Variants in NME7 observed in about 807,000 individuals in gnomAD.
NME7 encodes nucleoside diphosphate kinase 7.
NME7 carries 41 observed loss-of-function variants against 49.1 expected under a neutral mutation model. That is an observed-to-expected ratio of 0.83 (90% CI 0.65 to 1.08). NME7 has a LOEUF of 1.08. Ranked by LOEUF, NME7 falls within the 50% of genes least tolerant of loss-of-function variation. NME7 has a pLI of 0.00. For synonymous variants in NME7, 139 were observed against 150.6 expected (o/e 0.92, Z 0.56); for missense variants, 423 against 463.4 (o/e 0.91, Z 0.80).
chr1:169,134,645 C>G (rs1344997096), intron 11 of NME7, among the ~76,000 whole-genome samples: 2 of 152,108 alleles, frequency 1.3e-5, no homozygotes, highest in Admixed American at 6.5e-5. Context: ...GTGTCAGAAG[C>G]TTTGCCATAA....
chr1:169,364,412 T>C (rs1653773281), intron 1 of NME7, among the ~76,000 whole-genome samples: 1 of 152,194 alleles, frequency 6.6e-6, no homozygotes, highest in Non-Finnish European at 1.5e-5. Flanking sequence ...TAAATTTGTA[T>C]TTATTTATAC....
At position 169,187,261 on chromosome 1, in the gene NME7, C is replaced by A. The variant is rs145089732; in HGVS notation, c.991-17707G>T. The stretch of plus-strand genomic sequence containing the variant: ...AGAGTTCTGTAGATGTCTATTGGGT[C>A]TGCTTGGTCCAGAGTTGAGTTCAAG... On this transcript the variant is annotated intron_variant, in intron 10 of 11. Transcript: ENST00000367811. Among the ~76,000 whole-genome samples, 989 of 152,188 alleles carry A rather than the reference C, an allele frequency of 6.5e-3. 4 individuals carry two copies. Among genetic ancestry groups the A allele is most frequent in the African/African-American group, 0.023 (950 of 41,514 alleles).
At chr1:169,134,371 C>T (rs1180038954) in intron 11 of NME7, among the ~76,000 whole-genome samples, 2 of 152,198 alleles carry the variant, frequency 1.3e-5, no homozygotes, top group Non-Finnish European at 2.9e-5. Flanking sequence ...ACAGTGCCAT[C>T]TATCTCCCTT....
At chr1:169,275,538 A>C (rs1248407613) in intron 7 of NME7, among the ~76,000 whole-genome samples, 3 of 124,402 alleles carry the variant, frequency 2.4e-5, no homozygotes, top group African/African-American at 8.0e-5. Context: ...TTGATTTTGT[A>C]TCCTGAGACT....
chr1:169,314,887 A>C (rs894486406), intron 3 of NME7, among the ~76,000 whole-genome samples: 1 of 152,238 alleles, frequency 6.6e-6, no homozygotes, highest in Non-Finnish European at 1.5e-5. Context: ...TAACTAAAAG[A>C]AAGCCAGTGC....
intron 7 of NME7, among the ~76,000 whole-genome samples, chr1:169,273,314 GT>G (rs1649560243): frequency 7.6e-6 from 1 of 130,768 alleles, no homozygotes; most frequent in South Asian, 2.4e-4. Flanking sequence ...GCAGTGTTTA[GT>G]TTTCTGATCT....
At chr1:169,254,694 G>T (rs1648830836) in intron 7 of NME7, among the ~76,000 whole-genome samples, 1 of 144,096 alleles carries the variant, frequency 6.9e-6, no homozygotes. Context: ...TTCTCTTGTG[G>T]CCATTTAGTG....
chr1:169,326,325 A>T (rs1400415025), intron 1 of NME7, among the ~76,000 whole-genome samples: 1 of 152,192 alleles, frequency 6.6e-6, no homozygotes, highest in Non-Finnish European at 1.5e-5. Flanking sequence ...CAGCAAACCA[A>T]TGCTACTTCT....
At chr1:169,332,422 T>C (rs1652291810) in intron 1 of NME7, among the ~76,000 whole-genome samples, 1 of 152,164 alleles carries the variant, frequency 6.6e-6, no homozygotes, top group South Asian at 2.1e-4. Context: ...AAAAATTTCT[T>C]GAGCAATGCC....
Position 169,267,345 on chromosome 1 carries a change from A to G in NME7, c.754+19958T>C, listed in dbSNP as rs140336058. On this transcript the variant is annotated intron_variant, in intron 7 of 11. Transcript: ENST00000367811. ...TATCATTAAAATGGTCATACTGCCT[A>G]AAGCAATTTACAGATTCAATGCTAT... 3.6e-3 allele frequency among the ~76,000 whole-genome samples: 481 copies of G among 134,136 alleles called. 71 individuals carry two copies. In the East Asian group the frequency reaches 0.083, roughly 23 times the overall value. 88.0% of individuals were successfully genotyped at this position (134,136 alleles called of 152,430 possible).
chr1:169,283,961 T>C (rs1650155166), intron 7 of NME7: 1 of 152,286 alleles, frequency 6.6e-6, no homozygotes, highest in African/African-American at 2.4e-5. Context: ...CTTTGTGGTG[T>C]TCTCTGTATT....
At chr1:169,304,537 A>T (rs749766029) in intron 4 of NME7, among the ~76,000 whole-genome samples, 2 of 152,232 alleles carry the variant, frequency 1.3e-5, no homozygotes, top group African/African-American at 4.8e-5. Context: ...TAATGCCAAT[A>T]TAGAGAATAA....
intron 3 of NME7, among the ~76,000 whole-genome samples, chr1:169,312,744 T>C (rs1263686328): frequency 6.6e-6 from 1 of 152,200 alleles, no homozygotes; most frequent in Non-Finnish European, 1.5e-5. Flanking sequence ...TCCCAGACAG[T>C]ATAGTGCTAT....
At chr1:169,216,544 T>A (rs1206001616) in intron 10 of NME7, among the ~76,000 whole-genome samples, 1 of 152,256 alleles carries the variant, frequency 6.6e-6, no homozygotes, top group Non-Finnish European at 1.5e-5. Flanking sequence ...AATAAAGCAG[T>A]AAACGTGTTT....
At chr1:169,208,436 A>G (rs755242237) in intron 10 of NME7, among the ~76,000 whole-genome samples, 4 of 152,268 alleles carry the variant, frequency 2.6e-5, no homozygotes, top group Admixed American at 6.5e-5. Context: ...TACTGTGTAT[A>G]TTATCTCTGT....
intron 6 of NME7, among the ~76,000 whole-genome samples, chr1:169,296,771 T>C (rs1650725171): frequency 6.6e-6 from 1 of 152,172 alleles, no homozygotes; most frequent in Non-Finnish European, 1.5e-5. Flanking sequence ...TTTGGAGTAA[T>C]ACTTGGTATC....
chr1:169,361,139 C>T (rs1013114140), intron 1 of NME7, among the ~76,000 whole-genome samples: 1 of 151,542 alleles, frequency 6.6e-6, no homozygotes, highest in Non-Finnish European at 1.5e-5. Context: ...AATACTTTCT[C>T]GAATAGAAGA....
chr1:169,261,553 A>T (rs1334105833), intron 7 of NME7, among the ~76,000 whole-genome samples: 1 of 133,832 alleles, frequency 7.5e-6, no homozygotes, highest in Non-Finnish European at 1.8e-5. Flanking sequence ...AACAGCTGAA[A>T]ATCAAAAGGT....
At chr1:169,343,496 T>C (rs2101966426) in intron 1 of NME7, among the ~76,000 whole-genome samples, 1 of 150,912 alleles carries the variant, frequency 6.6e-6, no homozygotes, top group African/African-American at 2.4e-5. Context: ...ATTGTCTCTT[T>C]TTTTTTTTTT....
Sources: allele counts gnomAD v4.1 joint callset (sites outside exome capture counted in the v4.1 genomes callset), GRCh38; gene constraint gnomAD v4.1.1; transcripts MANE v1.5; gene names NCBI Gene and HGNC (gene_info 2026-07-23, HGNC 2026-07-21).